TGFBR3: variants seen among roughly 807,000 people sequenced by gnomAD.
TGFBR3 encodes transforming growth factor beta receptor 3.
In TGFBR3, 46 loss-of-function variants were observed where a neutral mutation model predicts 87.9. The observed-to-expected ratio is 0.52, with a 90% CI of 0.41 to 0.67. The LOEUF (loss-of-function observed/expected upper bound fraction) is 0.67, where lower values mean the gene tolerates loss of function less well. Ranked by LOEUF, TGFBR3 falls within the 30% of genes least tolerant of loss-of-function variation. The probability of loss-of-function intolerance (pLI) is 0.00; values close to 1 mark genes in which losing one functional copy is unlikely to be tolerated. For missense variants in TGFBR3, 866 were observed against 1,041.9 expected (o/e 0.83, Z 2.32); for synonymous variants, 381 against 391.6 (o/e 0.97, Z 0.32).
At chr1:91,741,128 C>T (rs72714494) in intron 4 of TGFBR3, among the ~76,000 whole-genome samples, 5,059 of 152,232 alleles carry the variant, frequency 0.033, 103 homozygotes, top group Middle Eastern at 0.065. Flanking sequence ...TAGGTCAGAC[C>T]GCACAGATTA....
intron 1 of TGFBR3, among the ~76,000 whole-genome samples, chr1:91,905,547 C>T (rs950645428): frequency 6.6e-6 from 1 of 152,182 alleles, no homozygotes; most frequent in African/African-American, 2.4e-5. Context: ...ATTCTCGTGC[C>T]TCAGCCTCCC....
At chr1:91,810,912 CT>C (rs1395109055) in intron 2 of TGFBR3, among the ~76,000 whole-genome samples, 1 of 152,210 alleles carries the variant, frequency 6.6e-6, no homozygotes, top group African/African-American at 2.4e-5. Flanking sequence ...CATCAAAGCA[CT>C]TAGCTAAAGG....
intron 2 of TGFBR3, among the ~76,000 whole-genome samples, chr1:91,847,209 G>T (rs543951804): frequency 2.4e-4 from 37 of 152,232 alleles, no homozygotes; most frequent in African/African-American, 8.9e-4. Flanking sequence ...TAATAAATGT[G>T]GTGTCAGGGT....
chr1:91,816,338 T>A (rs974761095), intron 2 of TGFBR3, among the ~76,000 whole-genome samples: 1 of 152,256 alleles, frequency 6.6e-6, no homozygotes, highest in Non-Finnish European at 1.5e-5. Flanking sequence ...CTGAGCCTGG[T>A]CTTTGAGAAA....
chr1:91,861,853 T>C, intron 1 of TGFBR3: 1 of 292,966 alleles, frequency 3.4e-6, no homozygotes, highest in South Asian at 3.0e-5. Flanking sequence ...ATATTTGTTA[T>C]TGGCTTTTTT....
chr1:91,691,554 G>A (rs143633745), intron 16 of TGFBR3, among the ~76,000 whole-genome samples: 1 of 152,192 alleles, frequency 6.6e-6, no homozygotes, highest in Non-Finnish European at 1.5e-5. Context: ...GTTAAATGAG[G>A]ATATTTTCAG....
At chr1:91,800,229 A>C (rs1182037787) in intron 2 of TGFBR3, among the ~76,000 whole-genome samples, 5 of 35,266 alleles carry the variant, frequency 1.4e-4, no homozygotes, top group African/African-American at 3.7e-4. Context: ...CCATCTCTAC[A>C]AAAAAAAAAA....
chr1:91,866,771 G>A (rs1251090266), intron 1 of TGFBR3: 1 of 152,230 alleles, frequency 6.6e-6, no homozygotes, highest in Non-Finnish European at 1.5e-5. Flanking sequence ...GATAAGCGAA[G>A]ATTTTAAAAG....
At chr1:91,811,950 CGT>C (rs1385278666) in intron 2 of TGFBR3, among the ~76,000 whole-genome samples, 1 of 151,190 alleles carries the variant, frequency 6.6e-6, no homozygotes, top group East Asian at 1.9e-4. Flanking sequence ...TTCAGAAATC[CGT>C]GTGTGTTATT....
chr1:91,735,847 C>T (rs974481436), intron 4 of TGFBR3, among the ~76,000 whole-genome samples: 1 of 152,106 alleles, frequency 6.6e-6, no homozygotes, highest in African/African-American at 2.4e-5. Context: ...TTTTCAATGT[C>T]AGAGTGAAAC....
At chr1:91,801,378 G>A (rs989453019) in intron 2 of TGFBR3, among the ~76,000 whole-genome samples, 1 of 152,140 alleles carries the variant, frequency 6.6e-6, no homozygotes, top group Non-Finnish European at 1.5e-5. Flanking sequence ...CCGTGGAGAT[G>A]GAGAGAAGGG....
rs139632945 is a variant in TGFBR3 at position 91,779,534 on chromosome 1, G to A, written c.246+17753C>T. ...TAAAAATGTGATGGTGGGTCAGACC[G>A]AAGGTGGTGGTCAGAAGTGGGCAGA... On this transcript the variant is annotated intron_variant, in intron 3 of 16. Transcript: ENST00000212355. Among the ~76,000 whole-genome samples the A allele has an allele frequency of 2.2e-3, 337 of 152,336 alleles. 1 individual carries two copies. The highest frequency in any genetic ancestry group is 7.8e-3 in the African/African-American group (324 of 41,574).
intron 2 of TGFBR3, among the ~76,000 whole-genome samples, chr1:91,809,859 C>T (rs930130226): frequency 5.9e-5 from 9 of 152,172 alleles, no homozygotes; most frequent in African/African-American, 2.2e-4. Flanking sequence ...TTATGAACAC[C>T]TGGTCACTGG....
At chr1:91,889,934 T>G (rs1025537873), upstream of TGFBR3, among the ~76,000 whole-genome samples, 1 of 152,172 alleles carries the variant, frequency 6.6e-6, no homozygotes, top group Non-Finnish European at 1.5e-5. Context: ...AGTGTTGGGA[T>G]TACAGGCGTG....
chr1:91,697,945 AAAAGGGG>A (rs1671486514), intron 15 of TGFBR3, 137 bp downstream of exon 15: 2 of 773,336 alleles, frequency 2.6e-6, no homozygotes, highest in Non-Finnish European at 2.3e-6. Context: ...AATATGAGCA[AAAAGGGG>A]AAAGGGGAAG....
intron 3 of TGFBR3, among the ~76,000 whole-genome samples, chr1:91,778,208 T>C (rs548391744): frequency 6.6e-6 from 1 of 152,150 alleles, no homozygotes; most frequent in South Asian, 2.1e-4. Context: ...ACCCTTAGTT[T>C]ACATTTCAGC....
At chr1:91,851,636 C>T (rs1014230599) in intron 2 of TGFBR3, among the ~76,000 whole-genome samples, 8 of 152,160 alleles carry the variant, frequency 5.3e-5, no homozygotes, top group South Asian at 2.1e-4. Context: ...TATACACAAC[C>T]GTGTGCAAGG....
intron 16 of TGFBR3, among the ~76,000 whole-genome samples, chr1:91,695,282 G>A (rs1671394746): frequency 6.6e-6 from 1 of 152,104 alleles, no homozygotes; most frequent in Non-Finnish European, 1.5e-5. Context: ...TCAATACCTT[G>A]GCAGGTGTGG....
chr1:91,704,264 G>T (rs766977578), intron 14 of TGFBR3, among the ~76,000 whole-genome samples: 3 of 151,492 alleles, frequency 2.0e-5, no homozygotes, highest in African/African-American at 7.3e-5. Flanking sequence ...GGAGGTGGAG[G>T]TTGCAGTGAG....
Sources: gnomAD v4.1 joint callset for allele counts (sites outside exome capture counted in the v4.1 genomes callset) on GRCh38, gnomAD v4.1.1 for gene constraint, MANE v1.5 for transcripts, NCBI Gene and HGNC (gene_info 2026-07-23, HGNC 2026-07-21) for gene names.